Variants in ATG5 observed in about 807,000 individuals in gnomAD.
ATG5 encodes autophagy protein 5.
ATG5 carries 14 observed loss-of-function variants against 36.5 expected under a neutral mutation model. That is an observed-to-expected ratio of 0.38 (90% CI 0.25 to 0.60). ATG5 has a LOEUF of 0.60. Among genes scored for constraint, ATG5 ranks in the 20% least tolerant of loss-of-function variants. ATG5 has a pLI of 0.60. For missense variants in ATG5, 195 were observed against 326.7 expected, an observed-to-expected ratio of 0.60 and a Z score of 3.11; for synonymous variants, 95 against 101.5, an observed-to-expected ratio of 0.94 and a Z score of 0.38.
intron 1 of ATG5, among the ~76,000 whole-genome samples, chr6:106,317,558 C>G (rs1381285936): frequency 1.3e-5 from 2 of 152,164 alleles, no homozygotes; most frequent in Non-Finnish European, 2.9e-5. Flanking sequence ...AAGTACTAGG[C>G]AACAAGAATT....
intron 2 of ATG5, among the ~76,000 whole-genome samples, chr6:106,313,566 C>A (rs1770734415): frequency 6.6e-6 from 1 of 152,090 alleles, no homozygotes; most frequent in Admixed American, 6.5e-5. Flanking sequence ...CGAAAAAATA[C>A]AAATTGAAAA....
chr6:106,212,744 C>T (rs1040778203), intron 6 of ATG5, among the ~76,000 whole-genome samples: 3 of 152,264 alleles, frequency 2.0e-5, no homozygotes, highest in South Asian at 4.1e-4. Context: ...GATAATGAAC[C>T]GAACTTACTA....
chr6:106,278,782 T>C (rs1779758613), intron 5 of ATG5, among the ~76,000 whole-genome samples: 2 of 152,224 alleles, frequency 1.3e-5, no homozygotes, highest in African/African-American at 4.8e-5. Context: ...AACACGACTA[T>C]GTGCTTTGCT....
chr6:106,206,167 TG>T (rs1776622430), intron 6 of ATG5, among the ~76,000 whole-genome samples: 1 of 146,018 alleles, frequency 6.8e-6, no homozygotes, highest in African/African-American at 2.6e-5. Context: ...AATTAGGTCA[TG>T]AGGGCAGAGT....
chr6:106,190,750 TAAG>T (rs1048205442), intron 7 of ATG5, among the ~76,000 whole-genome samples: 6 of 151,384 alleles, frequency 4.0e-5, no homozygotes, highest in East Asian at 1.9e-4. Flanking sequence ...AGAAAAAAAA[TAAG>T]AAGAAAAAAT....
intron 5 of ATG5, among the ~76,000 whole-genome samples, chr6:106,249,151 A>AT (rs1778464451): frequency 6.6e-6 from 1 of 152,108 alleles, no homozygotes; most frequent in Admixed American, 6.6e-5. Flanking sequence ...ATACCATAAA[A>AT]TTCACCCCTT....
At chr6:106,261,802 T>C (rs181568732) in intron 5 of ATG5, among the ~76,000 whole-genome samples, 4 of 152,242 alleles carry the variant, frequency 2.6e-5, no homozygotes, top group African/African-American at 7.2e-5. Context: ...GATGTAGAAG[T>C]TGGGTTGAAA....
Position 106,255,422 on chromosome 6 carries a change from GT to G in ATG5, c.479-7179del, listed in dbSNP as rs1257185023. The stretch of plus-strand genomic sequence containing the variant: ...CTACCTCATGAAAACTCTGTAAATC[GT>G]TAAAAACTACTGCTTGGAAATTTAA... On this transcript the variant is annotated intron_variant, in intron 5 of 7. Coordinates refer to ENST00000369076, the MANE Select transcript of ATG5 (RefSeq NM_004849.4). Among the ~76,000 whole-genome samples, 3 of 152,176 alleles carry G rather than the reference GT, an allele frequency of 2.0e-5. No homozygotes were observed. In the East Asian group the frequency reaches 5.8e-4, roughly 29 times the overall value.
At chr6:106,266,405 C>T (rs915319384) in intron 5 of ATG5, among the ~76,000 whole-genome samples, 2 of 152,202 alleles carry the variant, frequency 1.3e-5, no homozygotes, top group Non-Finnish European at 2.9e-5. Flanking sequence ...CAGCTGAATT[C>T]TACCACAGGT....
rs1312572217 is a variant in ATG5 at position 106,305,744 on chromosome 6, AC to A, written c.236+2619del. Among the ~76,000 whole-genome samples, 12 of 152,362 alleles carry A rather than the reference AC, an allele frequency of 7.9e-5. No homozygotes were observed. In the East Asian group the frequency reaches 2.1e-3, roughly 27 times the overall value. ...ACTTCAGTGGTAGCTGCTTTCCTCCACTGATGGAAATTCACAGAACTATCCT... is the reference window on the plus strand; with the variant it reads ...ACTTCAGTGGTAGCTGCTTTCCTCCATGATGGAAATTCACAGAACTATCCT... On this transcript the variant is annotated intron_variant, in intron 3 of 7. Transcript: ENST00000369076.
At chr6:106,252,661 C>T (rs1283525903) in intron 5 of ATG5, among the ~76,000 whole-genome samples, 1 of 152,162 alleles carries the variant, frequency 6.6e-6, no homozygotes, top group East Asian at 1.9e-4. Context: ...CCACAAATAA[C>T]ATGTCTAAAA....
chr6:106,321,332 G>T (rs1771056655), intron 1 of ATG5, among the ~76,000 whole-genome samples: 1 of 149,896 alleles, frequency 6.7e-6, no homozygotes, highest in South Asian at 2.1e-4. Flanking sequence ...TCCTCTTTTG[G>T]CCAACTCTTT....
intron 5 of ATG5, among the ~76,000 whole-genome samples, chr6:106,251,350 G>T (rs1314906652): frequency 1.1e-4 from 17 of 152,028 alleles, no homozygotes; most frequent in Admixed American, 1.1e-3. Context: ...AGCCTTTGCA[G>T]GTGGGACCCC....
intron 5 of ATG5, among the ~76,000 whole-genome samples, chr6:106,276,669 C>G (rs149088967): frequency 1.3e-5 from 2 of 152,278 alleles, no homozygotes; most frequent in Non-Finnish European, 2.9e-5. Flanking sequence ...TTAACAGACT[C>G]AGCCATTCAC....
intron 6 of ATG5, among the ~76,000 whole-genome samples, chr6:106,228,081 T>C (rs1387942424): frequency 2.6e-5 from 4 of 152,176 alleles, no homozygotes; most frequent in Admixed American, 2.6e-4. Context: ...CACAAAAAAC[T>C]TTCAGGAGTT....
chr6:106,254,989 T>C (rs1187556694), intron 5 of ATG5, among the ~76,000 whole-genome samples: 1 of 152,234 alleles, frequency 6.6e-6, no homozygotes, highest in African/African-American at 2.4e-5. Context: ...AAATACCCTC[T>C]ATGTCCCTTT....
chr6:106,230,513 G>A (rs1562225083), intron 6 of ATG5, among the ~76,000 whole-genome samples: 1 of 152,172 alleles, frequency 6.6e-6, no homozygotes, highest in East Asian at 1.9e-4. Context: ...CTACATCAGT[G>A]AGCATAACTA....
intron 6 of ATG5, among the ~76,000 whole-genome samples, chr6:106,228,495 A>G (rs1292322299): frequency 6.6e-6 from 1 of 152,086 alleles, no homozygotes; most frequent in Non-Finnish European, 1.5e-5. Flanking sequence ...ATAGAGCTAT[A>G]ACACTCACCG....
At chr6:106,219,481 A>G (rs1459463622) in intron 6 of ATG5, among the ~76,000 whole-genome samples, 3 of 152,224 alleles carry the variant, frequency 2.0e-5, no homozygotes, top group South Asian at 2.1e-4. Flanking sequence ...TGTACCAAAC[A>G]TGTACAGGCT....
Sources: allele counts gnomAD v4.1 joint callset (sites outside exome capture counted in the v4.1 genomes callset), GRCh38; gene constraint gnomAD v4.1.1; transcripts MANE v1.5; gene names NCBI Gene and HGNC (gene_info 2026-07-23, HGNC 2026-07-21).